The following NELL2 variants were observed in gnomAD, a reference collection of about 807,000 sequenced individuals.
NELL2 encodes neural EGFL like 2, also known as protein kinase C-binding protein NELL2.
A neutral mutation model predicts 109.6 loss-of-function variants in NELL2; 41 were observed. That is an observed-to-expected ratio of 0.37 (90% CI 0.29 to 0.49). NELL2 has a LOEUF of 0.49. Among genes scored for constraint, NELL2 ranks in the 20% least tolerant of loss-of-function variants. The pLI is 0.98. For synonymous variants in NELL2, 355 were observed against 344.7 expected (o/e 1.03, Z -0.33); for missense variants, 900 against 1,008.3 (o/e 0.89, Z 1.45).
intron 14 of NELL2, among the ~76,000 whole-genome samples, chr12:44,610,216 T>C (rs866585310): frequency 5.4e-5 from 8 of 147,800 alleles, no homozygotes; most frequent in African/African-American, 2.0e-4. Flanking sequence ...TCTTCCACAG[T>C]AGCCTCCGAC....
At chr12:44,593,139 T>C (rs566069907) in intron 15 of NELL2, among the ~76,000 whole-genome samples, 1 of 152,314 alleles carries the variant, frequency 6.6e-6, no homozygotes, top group South Asian at 2.1e-4. Flanking sequence ...TAGTGCTAAA[T>C]GTCCAAGTGA....
At chr12:44,809,865 C>T (rs1160757267) in intron 3 of NELL2, among the ~76,000 whole-genome samples, 1 of 151,970 alleles carries the variant, frequency 6.6e-6, no homozygotes, top group Non-Finnish European at 1.5e-5. Context: ...ATCCATATGT[C>T]CAAACCAAAA....
chr12:44,785,510 C>A (rs1942130311), intron 3 of NELL2, among the ~76,000 whole-genome samples: 1 of 152,054 alleles, frequency 6.6e-6, no homozygotes, highest in South Asian at 2.1e-4. Flanking sequence ...CTTTCCTTCA[C>A]AGAATTAGAA....
At chr12:44,659,197 A>C (rs1156746338) in intron 13 of NELL2, among the ~76,000 whole-genome samples, 1 of 152,158 alleles carries the variant, frequency 6.6e-6, no homozygotes, top group South Asian at 2.1e-4. Context: ...TACAAAAAGT[A>C]AGATGGATTA....
At chr12:44,853,367 A>T (rs1351624678) in intron 2 of NELL2, among the ~76,000 whole-genome samples, 2 of 152,190 alleles carry the variant, frequency 1.3e-5, no homozygotes, top group Non-Finnish European at 2.9e-5. Flanking sequence ...CTTCAAAATA[A>T]TAGTGAAACA....
At chr12:44,779,814 T>C (rs1338115110) in intron 4 of NELL2, 35 bp downstream of exon 4, 2 of 1,613,444 alleles carry the variant, frequency 1.2e-6, no homozygotes, top group South Asian at 2.2e-5. Context: ...TTTCTTAGAA[T>C]CTTCCATTTC....
intron 3 of NELL2, among the ~76,000 whole-genome samples, chr12:44,792,346 A>AT (rs900549009): frequency 4.6e-5 from 7 of 152,092 alleles, no homozygotes; most frequent in Non-Finnish European, 8.8e-5. Flanking sequence ...ATGTCAAGAG[A>AT]TTTTTTCTTC....
chr12:44,727,186 G>A (rs1185966398), intron 9 of NELL2, among the ~76,000 whole-genome samples: 1 of 151,990 alleles, frequency 6.6e-6, no homozygotes, highest in Non-Finnish European at 1.5e-5. Context: ...TGCACATAGG[G>A]AAATTGTTGA....
At chr12:44,916,590 C>T (rs1045911096), upstream of NELL2, among the ~76,000 whole-genome samples, 2 of 152,150 alleles carry the variant, frequency 1.3e-5, no homozygotes, top group African/African-American at 2.4e-5. Flanking sequence ...ATCACACCTT[C>T]CTTGCACTCC....
rs144252065 is a variant in NELL2 at position 44,569,229 on chromosome 12, C to T, written c.1664-36508G>A. Among the ~76,000 whole-genome samples, 425 of 152,158 alleles carry T rather than the reference C, an allele frequency of 2.8e-3. 4 individuals carry two copies. The highest frequency in any genetic ancestry group is 4.0e-3 in the Non-Finnish European group (270 of 68,006). On this transcript the variant is annotated intron_variant, in intron 15 of 19. Transcript: ENST00000429094. ...GACATGATCTCATTCTTTTTTATGGCGGCATAGTGTTCTATAATATATATG... is the reference window on the plus strand; with the variant it reads ...GACATGATCTCATTCTTTTTTATGGTGGCATAGTGTTCTATAATATATATG...
chr12:44,705,483 A>G (rs1409933086), intron 11 of NELL2, among the ~76,000 whole-genome samples: 1 of 152,232 alleles, frequency 6.6e-6, no homozygotes, highest in Non-Finnish European at 1.5e-5. Context: ...GTACATTTAA[A>G]AGTAAAATTC....
At chr12:44,711,716 G>A (rs1200223713) in intron 10 of NELL2, among the ~76,000 whole-genome samples, 1 of 151,930 alleles carries the variant, frequency 6.6e-6, no homozygotes, top group African/African-American at 2.4e-5. Flanking sequence ...TGACAATTGT[G>A]GCAAAGATAC....
At chr12:44,566,533 TCACACACA>T (rs3071958) in intron 15 of NELL2, among the ~76,000 whole-genome samples, 2,081 of 148,824 alleles carry the variant, frequency 0.014, 19 homozygotes, top group Non-Finnish European at 0.021. Context: ...TTACACATAC[TCACACACA>T]CACACACACA....
At chr12:44,805,161 CTGAG>C (rs908920398) in intron 3 of NELL2, among the ~76,000 whole-genome samples, 8 of 151,648 alleles carry the variant, frequency 5.3e-5, no homozygotes, top group African/African-American at 7.3e-5. Context: ...GATTAGAAGA[CTGAG>C]TAATATAAAA....
chr12:44,868,110 G>C (rs1328962637), intron 2 of NELL2, among the ~76,000 whole-genome samples: 1 of 119,096 alleles, frequency 8.4e-6, no homozygotes, highest in African/African-American at 3.3e-5. Flanking sequence ...AAACAGTGAG[G>C]CTCCATCTCA....
At chr12:44,878,189 G>C (rs1019476695), upstream of NELL2, among the ~76,000 whole-genome samples, 8 of 152,120 alleles carry the variant, frequency 5.3e-5, no homozygotes, top group Non-Finnish European at 5.9e-5. Flanking sequence ...CTGAAAGCTG[G>C]TGGTTAATGG....
chr12:44,762,832 C>T (rs1203002521), intron 9 of NELL2, among the ~76,000 whole-genome samples: 1 of 152,184 alleles, frequency 6.6e-6, no homozygotes, highest in Non-Finnish European at 1.5e-5. Context: ...TTATCAACAC[C>T]TTAATACTGC....
upstream of NELL2, among the ~76,000 whole-genome samples, chr12:44,918,354 C>T (rs2136898652): frequency 6.6e-6 from 1 of 152,238 alleles, no homozygotes; most frequent in South Asian, 2.1e-4. Flanking sequence ...ACCCATTCAA[C>T]CTGAAGCTCG....
intron 1 of NELL2, among the ~76,000 whole-genome samples, chr12:44,885,807 G>A (rs77833687): frequency 0.01 from 1,590 of 151,652 alleles, 31 homozygotes; most frequent in East Asian, 0.048. Flanking sequence ...AAAAATCAAA[G>A]AAAACAGAAA....
Sources: allele counts gnomAD v4.1 joint callset (sites outside exome capture counted in the v4.1 genomes callset), GRCh38; gene constraint gnomAD v4.1.1; transcripts MANE v1.5; gene names NCBI Gene and HGNC (gene_info 2026-07-23, HGNC 2026-07-21).